The following SLC4A10 variants were observed in gnomAD, a reference collection of about 807,000 sequenced individuals.
SLC4A10 encodes sodium-driven chloride bicarbonate exchanger.
SLC4A10 carries 42 observed loss-of-function variants against 137.7 expected under a neutral mutation model. That is an observed-to-expected ratio of 0.30 (90% CI 0.24 to 0.39). The LOEUF is 0.39. Ranked by LOEUF, SLC4A10 falls within the 10% of genes least tolerant of loss-of-function variation. The pLI, the probability that SLC4A10 is intolerant of heterozygous loss-of-function variation, is 1.00. For synonymous variants in SLC4A10, 474 were observed against 464.1 expected, an observed-to-expected ratio of 1.02 and a Z score of -0.27; for missense variants, 925 against 1,355.0, an observed-to-expected ratio of 0.68 and a Z score of 4.98.
At chr2:161,788,206 T>A (rs2053836341) in intron 2 of SLC4A10, among the ~76,000 whole-genome samples, 1 of 152,068 alleles carries the variant, frequency 6.6e-6, no homozygotes, top group South Asian at 2.1e-4. Flanking sequence ...CTTTGTGTGG[T>A]GGCTTTCTCA....
At chr2:161,863,587 C>A (rs1049874639) in intron 6 of SLC4A10, among the ~76,000 whole-genome samples, 1 of 152,164 alleles carries the variant, frequency 6.6e-6, no homozygotes, top group African/African-American at 2.4e-5. Flanking sequence ...TGGCTGATTC[C>A]GGTTCAAGGG....
rs1248124600 is a variant in SLC4A10 at position 161,955,201 on chromosome 2, C to T, written c.2542-1788C>T. Among the ~76,000 whole-genome samples the T allele has an allele frequency of 2.0e-5, 3 of 152,202 alleles. 1 individual carries two copies. In the East Asian group the frequency reaches 5.8e-4, roughly 29 times the overall value. On this transcript the variant is annotated intron_variant, in intron 19 of 26. Transcript: ENST00000446997. Reference sequence around the variant, plus strand: ...ACTCCAGAGTTGCTAGGACAAAACACTTCTCAAACTGCTTAAGACATTGTC... The same window carrying T: ...ACTCCAGAGTTGCTAGGACAAAACATTTCTCAAACTGCTTAAGACATTGTC...
chr2:161,787,938 A>G (rs1244560687), intron 2 of SLC4A10, among the ~76,000 whole-genome samples: 2 of 152,132 alleles, frequency 1.3e-5, no homozygotes, highest in Non-Finnish European at 2.9e-5. Context: ...ATTGCTAGAA[A>G]TCTAGCCTGA....
intron 2 of SLC4A10, among the ~76,000 whole-genome samples, chr2:161,783,822 G>C: frequency 6.6e-6 from 1 of 151,400 alleles, no homozygotes; most frequent in Admixed American, 6.6e-5. Context: ...AAAAATGAGA[G>C]CAAGAGAGGA....
chr2:161,666,763 T>C (rs772646217), intron 1 of SLC4A10, among the ~76,000 whole-genome samples: 3 of 151,726 alleles, frequency 2.0e-5, no homozygotes, highest in Non-Finnish European at 3.0e-5. Context: ...CAGAAGTCTA[T>C]TGAAATGTAT....
intron 1 of SLC4A10, among the ~76,000 whole-genome samples, chr2:161,743,029 T>A (rs1226560855): frequency 2.6e-5 from 4 of 152,172 alleles, no homozygotes; most frequent in Non-Finnish European, 5.9e-5. Flanking sequence ...CTTTGTCAGG[T>A]GGATAGTTTG....
intron 2 of SLC4A10, among the ~76,000 whole-genome samples, chr2:161,789,535 A>G (rs2053988237): frequency 6.6e-6 from 1 of 152,128 alleles, no homozygotes; most frequent in South Asian, 2.1e-4. Flanking sequence ...AAAAAGCTAC[A>G]TTAAAGTTAT....
chr2:161,942,695 T>A, intron 15 of SLC4A10, 97 bp from the exon 16 acceptor site: 1 of 858,820 alleles, frequency 1.2e-6, no homozygotes, highest in Non-Finnish European at 1.9e-6. Context: ...AATAGAGGAA[T>A]GCTGTGACTG....
At chr2:161,833,358 C>T (rs1324622311) in intron 3 of SLC4A10, among the ~76,000 whole-genome samples, 3 of 152,262 alleles carry the variant, frequency 2.0e-5, no homozygotes, top group African/African-American at 7.2e-5. Flanking sequence ...GGAGATTTCT[C>T]TGGAAGAGAC....
Position 161,883,965 on chromosome 2 carries a change from G to A in SLC4A10, c.1194+1521G>A, listed in dbSNP as rs79454975. ...CTTATTTCAAATAAGGCCACATTCT[G>A]CGGCTCCAGGTTGATGTGTATTTTG... On this transcript the variant is annotated intron_variant, in intron 10 of 26. Transcript: ENST00000446997. 5.9e-3 allele frequency among the ~76,000 whole-genome samples: 903 copies of A among 152,138 alleles called. 22 individuals are homozygous for A. The highest frequency in any genetic ancestry group is 0.047 in the East Asian group (245 of 5,182).
At chr2:161,726,436 G>C (rs2046227857) in intron 1 of SLC4A10, among the ~76,000 whole-genome samples, 1 of 152,144 alleles carries the variant, frequency 6.6e-6, no homozygotes. Context: ...AAAACTAAAT[G>C]AATGTGGGGA....
At chr2:161,877,914 A>T (rs2061531625) in intron 8 of SLC4A10, among the ~76,000 whole-genome samples, 1 of 152,036 alleles carries the variant, frequency 6.6e-6, no homozygotes, top group South Asian at 2.1e-4. Flanking sequence ...TGCTTCCTAT[A>T]CTAGGTTATA....
intron 15 of SLC4A10, among the ~76,000 whole-genome samples, chr2:161,923,690 G>T (rs1575660111): frequency 6.6e-6 from 1 of 151,814 alleles, no homozygotes; most frequent in African/African-American, 2.4e-5. Flanking sequence ...GGGGGGAGTG[G>T]GGAAGGATAG....
intron 2 of SLC4A10, among the ~76,000 whole-genome samples, chr2:161,802,375 A>T (rs1361214330): frequency 1.3e-5 from 2 of 152,120 alleles, no homozygotes; most frequent in African/African-American, 4.8e-5. Context: ...TATAAAAAAT[A>T]AATATTTTCT....
chr2:161,833,292 C>T (rs1168750351), intron 3 of SLC4A10, among the ~76,000 whole-genome samples: 1 of 152,154 alleles, frequency 6.6e-6, no homozygotes, highest in African/African-American at 2.4e-5. Flanking sequence ...AGTAGAAAGT[C>T]TTGGAATTTT....
intron 15 of SLC4A10, among the ~76,000 whole-genome samples, chr2:161,935,065 T>G (rs547754025): frequency 6.6e-6 from 1 of 152,340 alleles, no homozygotes; most frequent in South Asian, 2.1e-4. Flanking sequence ...TTTTTAAATA[T>G]GGTGTGAGAT....
At chr2:161,735,360 A>C (rs1290031962) in intron 1 of SLC4A10, among the ~76,000 whole-genome samples, 1 of 151,802 alleles carries the variant, frequency 6.6e-6, no homozygotes, top group African/African-American at 2.4e-5. Flanking sequence ...TTTAAAAATA[A>C]ATGTCAAAGT....
intron 5 of SLC4A10, among the ~76,000 whole-genome samples, chr2:161,862,308 A>G (rs1477230101): frequency 6.6e-6 from 1 of 152,188 alleles, no homozygotes; most frequent in East Asian, 1.9e-4. Context: ...TACTCTCCAA[A>G]TTCAGTAACT....
intron 3 of SLC4A10, among the ~76,000 whole-genome samples, chr2:161,822,615 C>G (rs1425093237): frequency 1.3e-5 from 2 of 152,144 alleles, no homozygotes; most frequent in Admixed American, 6.5e-5. Context: ...TGCAGGTCCA[C>G]TTACACATAG....
Sources: gnomAD v4.1 joint callset for allele counts (sites outside exome capture counted in the v4.1 genomes callset) on GRCh38, gnomAD v4.1.1 for gene constraint, MANE v1.5 for transcripts, NCBI Gene and HGNC (gene_info 2026-07-23, HGNC 2026-07-21) for gene names.